The following ITGA9 variants were observed in gnomAD, a reference collection of about 807,000 sequenced individuals.
ITGA9 encodes integrin subunit alpha 9.
In ITGA9, 56 loss-of-function variants were observed where a neutral mutation model predicts 127.8. The ratio of observed to expected loss-of-function variants is 0.44; its 90% confidence interval spans 0.35 to 0.55. The LOEUF is 0.55. ITGA9 is among the 20% of genes least tolerant of loss of function. ITGA9 has a pLI of 0.00. For missense variants in ITGA9, 1,196 were observed against 1,347.1 expected, an observed-to-expected ratio of 0.89 and a Z score of 1.76; for synonymous variants, 508 against 514.5, an observed-to-expected ratio of 0.99 and a Z score of 0.17.
At chr3:37,688,012 C>T (rs1267125375) in intron 18 of ITGA9, among the ~76,000 whole-genome samples, 1 of 152,232 alleles carries the variant, frequency 6.6e-6, no homozygotes, top group Non-Finnish European at 1.5e-5. Flanking sequence ...CACTTCACTC[C>T]AGGATGAGGA....
chr3:37,585,717 T>A (rs1559542636), intron 15 of ITGA9: 1 of 493,996 alleles, frequency 2.0e-6, no homozygotes. Flanking sequence ...CCTTACTTTA[T>A]TTGCGAAGGG....
At chr3:37,481,687 G>A (rs1470790805) in intron 4 of ITGA9, 80 bp downstream of exon 4, 1 of 1,553,416 alleles carries the variant, frequency 6.4e-7, no homozygotes, top group African/African-American at 1.4e-5. Flanking sequence ...TGCACCACCA[G>A]CTGAACATTT....
chr3:37,785,522 C>T (rs1283766168), intron 26 of ITGA9, among the ~76,000 whole-genome samples: 1 of 152,116 alleles, frequency 6.6e-6, no homozygotes, highest in East Asian at 1.9e-4. Flanking sequence ...CACTCTGTCA[C>T]CCAGGCTGGT....
intron 15 of ITGA9, among the ~76,000 whole-genome samples, chr3:37,587,498 T>A (rs1699770288): frequency 6.6e-6 from 1 of 152,162 alleles, no homozygotes; most frequent in South Asian, 2.1e-4. Flanking sequence ...TAGTTTGTAA[T>A]ATCCTTCAAA....
intron 18 of ITGA9, among the ~76,000 whole-genome samples, chr3:37,694,190 G>A (rs1700860794): frequency 6.6e-6 from 1 of 152,180 alleles, no homozygotes; most frequent in Non-Finnish European, 1.5e-5. Flanking sequence ...TTGCTTTGTT[G>A]GTCTTCCCCA....
At chr3:37,636,962 T>C (rs1281232703) in intron 16 of ITGA9, among the ~76,000 whole-genome samples, 1 of 152,180 alleles carries the variant, frequency 6.6e-6, no homozygotes. Flanking sequence ...GCGTTATTTC[T>C]GAGGGCTCTG....
intron 15 of ITGA9, among the ~76,000 whole-genome samples, chr3:37,594,810 C>T (rs554993845): frequency 9.2e-5 from 14 of 152,252 alleles, no homozygotes; most frequent in African/African-American, 2.6e-4. Context: ...AACGGGGTCT[C>T]GCTATGTTGC....
chr3:37,535,862 C>T (rs1230098312), intron 14 of ITGA9, among the ~76,000 whole-genome samples: 2 of 152,192 alleles, frequency 1.3e-5, no homozygotes, highest in Non-Finnish European at 2.9e-5. Context: ...CTCTGGCATT[C>T]ATATCTCAAT....
At chr3:37,517,632 C>G (rs374626836) in intron 10 of ITGA9, 23 bp downstream of exon 10, 2 of 1,502,812 alleles carry the variant, frequency 1.3e-6, no homozygotes, top group East Asian at 4.8e-5. Flanking sequence ...TCCTGGTGCA[C>G]GGAGCCCCTC....
chr3:37,673,941 T>C (rs745813356), intron 17 of ITGA9, among the ~76,000 whole-genome samples: 9 of 152,164 alleles, frequency 5.9e-5, no homozygotes, highest in Non-Finnish European at 1.0e-4. Context: ...ATGAAATGAG[T>C]GTATTTTTCT....
intron 16 of ITGA9, among the ~76,000 whole-genome samples, chr3:37,652,441 C>G (rs1700438426): frequency 6.6e-6 from 1 of 152,216 alleles, no homozygotes. Context: ...GGAATTTCCT[C>G]TTTTTTCCCA....
At chr3:37,486,703 A>C (rs1169854050) in intron 4 of ITGA9, among the ~76,000 whole-genome samples, 2 of 152,240 alleles carry the variant, frequency 1.3e-5, no homozygotes, top group Non-Finnish European at 2.9e-5. Flanking sequence ...GTTGAAGATC[A>C]TATTGGCACA....
intron 18 of ITGA9, among the ~76,000 whole-genome samples, chr3:37,685,579 A>G (rs939568127): frequency 6.6e-6 from 1 of 151,974 alleles, no homozygotes; most frequent in African/African-American, 2.4e-5. Context: ...TAGGTGGGGG[A>G]AAGGGGCTTC....
intron 18 of ITGA9, among the ~76,000 whole-genome samples, chr3:37,724,268 A>G (rs977458126): frequency 6.6e-6 from 1 of 152,158 alleles, no homozygotes; most frequent in African/African-American, 2.4e-5. Flanking sequence ...CCATCACAGT[A>G]TTCCACCCAA....
At chr3:37,555,234 C>T (rs1467687697) in intron 15 of ITGA9, among the ~76,000 whole-genome samples, 1 of 152,206 alleles carries the variant, frequency 6.6e-6, no homozygotes, top group Non-Finnish European at 1.5e-5. Flanking sequence ...CATTGACCAT[C>T]CATATTTTAA....
chr3:37,558,481 T>G (rs1699452668), intron 15 of ITGA9, among the ~76,000 whole-genome samples: 1 of 152,216 alleles, frequency 6.6e-6, no homozygotes, highest in Non-Finnish European at 1.5e-5. Context: ...TATTTTCAAT[T>G]CACTTCTGTT....
intron 17 of ITGA9, among the ~76,000 whole-genome samples, chr3:37,659,158 A>T (rs866359718): frequency 6.6e-6 from 1 of 151,850 alleles, no homozygotes; most frequent in Non-Finnish European, 1.5e-5. Flanking sequence ...ATGTGTCTTG[A>T]GGTTGGTCTT....
At chr3:37,791,592 G>A (rs147812727) in intron 26 of ITGA9, among the ~76,000 whole-genome samples, 15 of 152,284 alleles carry the variant, frequency 9.9e-5, no homozygotes, top group Non-Finnish European at 2.1e-4. Context: ...TCTCTACCTC[G>A]TGCTCTGGAG....
intron 20 of ITGA9, among the ~76,000 whole-genome samples, chr3:37,740,920 A>G (rs770760662): frequency 1.3e-5 from 2 of 152,164 alleles, no homozygotes; most frequent in Non-Finnish European, 2.9e-5. Flanking sequence ...GCCAGGGTCT[A>G]TAGCGAGAGC....
Sources: allele counts gnomAD v4.1 joint callset (sites outside exome capture counted in the v4.1 genomes callset), GRCh38; gene constraint gnomAD v4.1.1; transcripts MANE v1.5; gene names NCBI Gene and HGNC (gene_info 2026-07-23, HGNC 2026-07-21).